RAB5B: variants seen among roughly 807,000 people sequenced by gnomAD.
The protein encoded by RAB5B is RAB5B, member RAS oncogene family.
In RAB5B, 11 loss-of-function variants were observed where a neutral mutation model predicts 28.6. The ratio of observed to expected loss-of-function variants is 0.38; its 90% confidence interval spans 0.24 to 0.64. The LOEUF is 0.64. Ranked by LOEUF, RAB5B falls within the 30% of genes least tolerant of loss-of-function variation. The pLI is 0.53. For synonymous variants in RAB5B, 93 were observed against 97.9 expected (o/e 0.95, Z 0.29); for missense variants, 169 against 265.6 (o/e 0.64, Z 2.53).
chr12:55,985,708 T>C (rs886944411), intron 1 of RAB5B: 2 of 455,960 alleles, frequency 4.4e-6, no homozygotes, highest in African/African-American at 4.0e-5. Flanking sequence ...TGGAGACTTC[T>C]GCATGTCTTT....
chr12:55,987,859 T>TA (rs1889997583), intron 2 of RAB5B, among the ~76,000 whole-genome samples: 1 of 142,726 alleles, frequency 7.0e-6, no homozygotes, highest in South Asian at 2.2e-4. Flanking sequence ...CAAAATCTGG[T>TA]AAAATAGGCT....
intron 2 of RAB5B, among the ~76,000 whole-genome samples, chr12:55,988,152 AAAAAC>A (rs577981481): frequency 1.5e-3 from 231 of 151,938 alleles, no homozygotes; most frequent in Admixed American, 3.7e-3. Context: ...TCCGTCTCAA[AAAAAC>A]AAAACAACAA....
intron 1 of RAB5B, chr12:55,980,298 T>G: frequency 2.7e-6 from 2 of 729,666 alleles, no homozygotes; most frequent in Non-Finnish European, 4.7e-6. Context: ...CTTTTTCTCC[T>G]CATTCTCTTT....
intron 1 of RAB5B, chr12:55,981,036 C>A: frequency 6.2e-7 from 1 of 1,612,918 alleles, no homozygotes; most frequent in Non-Finnish European, 8.5e-7. Context: ...TTGGCCATGG[C>A]GGACACCGGG....
At chr12:55,978,699 T>G (rs1368274050) in intron 1 of RAB5B, among the ~76,000 whole-genome samples, 2 of 151,964 alleles carry the variant, frequency 1.3e-5, no homozygotes, top group African/African-American at 4.8e-5. Context: ...TTAAAGAAGT[T>G]CATAGTTTAG....
rs1889807669 is a variant in RAB5B, at chr12:55,981,500, C to T, written c.-92-5369C>T. 1.3e-5 allele frequency among the ~76,000 whole-genome samples: 2 copies of T among 152,048 alleles called. 1 individual carries two copies. Among genetic ancestry groups the T allele is most frequent in the South Asian group, 4.2e-4 (2 of 4,816 alleles). ...CTGGTACTGGGTTGGACTCCAGTGGCTATATATACCGAGAACTCTGTCTCT... is the reference window on the plus strand; with the variant it reads ...CTGGTACTGGGTTGGACTCCAGTGGTTATATATACCGAGAACTCTGTCTCT... On this transcript the variant is annotated intron_variant, in intron 1 of 5. Coordinates refer to ENST00000360299, the MANE Select transcript of RAB5B (RefSeq NM_002868.4).
chr12:55,986,752 T>C (rs887760651), intron 1 of RAB5B, 117 bp from the exon 2 acceptor site: 16 of 587,424 alleles, frequency 2.7e-5, no homozygotes, highest in Non-Finnish European at 4.6e-5. Flanking sequence ...GCCTGGGACC[T>C]TCTCAGAGCT....
intron 4 of RAB5B, 177 bp from the exon 5 acceptor site, chr12:55,991,183 G>C: frequency 1.7e-6 from 1 of 583,708 alleles, no homozygotes; most frequent in South Asian, 2.1e-5. Flanking sequence ...AGTGGACATG[G>C]GGTCATCTTG....
In RAB5B at chr12:55,992,447, C is replaced by G. The variant is rs573932795; in HGVS notation, c.*235C>G. On this transcript the variant is annotated 3_prime_UTR_variant, in exon 6 of 6. Transcript: ENST00000360299. Reference sequence around the variant, plus strand: ...CTGGGGCTTGGGGGTCAACTCCCCCCAGGACTTACCTTCCAAAACAAACTT... The same window carrying G: ...CTGGGGCTTGGGGGTCAACTCCCCCGAGGACTTACCTTCCAAAACAAACTT... 3.0e-6 allele frequency: 2 copies of G among 673,206 alleles called. No individual in the cohort carries two copies. Among genetic ancestry groups the G allele is most frequent in the South Asian group, 3.0e-5 (2 of 66,404 alleles). 41.7% of individuals were successfully genotyped at this position (673,206 alleles called of 1,614,324 possible).
Position 55,996,523 on chromosome 12 carries a change from G to C in RAB5B, c.*4311G>C, listed in dbSNP as rs547942805. On this transcript the variant is annotated 3_prime_UTR_variant, in exon 6 of 6. Transcript: ENST00000360299. ...GATGGGGTCTTGCTCTGTTGTCCAGGCTGGAGTGCAGTGCCGCGATCTTGG... is the reference window on the plus strand; with the variant it reads ...GATGGGGTCTTGCTCTGTTGTCCAGCCTGGAGTGCAGTGCCGCGATCTTGG... 1 of 152,340 alleles carries C rather than the reference G, an allele frequency of 6.6e-6. No individual in the cohort carries two copies. The highest frequency in any genetic ancestry group is 1.9e-4 in the East Asian group (1 of 5,184). The allele number at this position is 152,340 out of a possible 1,614,324, so 9.4% of individuals were successfully genotyped here.
Position 55,986,928 on chromosome 12 carries a change from C to T in RAB5B, c.-33C>T. The stretch of plus-strand genomic sequence containing the variant: ...CCTCCCCCCTTTACAGTATCCCCCT[C>T]CCTCCACCCTTTCCCATTCTGATAA... On this transcript the variant is annotated 5_prime_UTR_variant, in exon 2 of 6. Transcript: ENST00000360299. The T allele has an allele frequency of 7.3e-7, 1 of 1,378,622 alleles. No individual in the cohort carries two copies. Among genetic ancestry groups the T allele is most frequent in the Non-Finnish European group, 1.0e-6 (1 of 989,304 alleles). The allele number at this position is 1,378,622 out of a possible 1,614,324, so 85.4% of individuals were successfully genotyped here. A position where few individuals can be genotyped will look rare whatever the true frequency, so the allele number is the denominator to read the frequency against.
rs1592807506 is a variant in RAB5B, at chr12:55,990,880, C to T, written c.438+76C>T. On this transcript the variant is annotated intron_variant, in intron 4 of 5. Transcript: ENST00000360299. ...CTCTTTTTTTCCAAACCAGCCCTCT[C>T]TGAAAACGTCAACAGAGGACATTCA... 4.5e-6 allele frequency: 7 copies of T among 1,554,614 alleles called. No homozygotes were observed. In the East Asian group the frequency reaches 1.4e-4, roughly 30 times the overall value.
chr12:55,978,270 C>T (rs1006471589), intron 1 of RAB5B, among the ~76,000 whole-genome samples: 1 of 152,076 alleles, frequency 6.6e-6, no homozygotes, highest in Non-Finnish European at 1.5e-5. Flanking sequence ...GAGGCTGAGG[C>T]GGGTGGATCA....
Position 55,987,199 on chromosome 12 carries a change from T to C in RAB5B, c.163+76T>C, listed in dbSNP as rs911853555. The stretch of plus-strand genomic sequence containing the variant: ...TTTTTTAGATGGAGTCTTGCTCTGT[T>C]ACCCAGGCTGGAGTGCAGTGGCGCA... On this transcript the variant is annotated intron_variant, in intron 2 of 5. Transcript: ENST00000360299. 5.6e-6 allele frequency: 8 copies of C among 1,422,570 alleles called. No homozygotes were observed. The East Asian group carries it at 1.6e-4, about 29-fold the overall frequency. 88.1% of individuals were successfully genotyped at this position (1,422,570 alleles called of 1,614,324 possible). A position where few individuals can be genotyped will look rare whatever the true frequency, so the allele number is the denominator to read the frequency against.
At chr12:55,990,278 C>A (rs35108074) in intron 3 of RAB5B, 180 bp downstream of exon 3, 1 of 624,846 alleles carries the variant, frequency 1.6e-6, no homozygotes, top group Non-Finnish European at 2.6e-6. Flanking sequence ...CGTGGTGGTG[C>A]GCGCCTGTAG....
At position 55,992,960 on chromosome 12, in the gene RAB5B, A is replaced by G. The variant is rs1890180864; in HGVS notation, c.*748A>G. On this transcript the variant is annotated 3_prime_UTR_variant, in exon 6 of 6. Coordinates refer to ENST00000360299, the MANE Select transcript of RAB5B (RefSeq NM_002868.4). ...CTCTTCAAAGGCCCAGTTTCCCCTCACGCAGCCTCTTAGGTAGCGTTTCCC... is the reference window on the plus strand; with the variant it reads ...CTCTTCAAAGGCCCAGTTTCCCCTCGCGCAGCCTCTTAGGTAGCGTTTCCC... 1 of 204,812 alleles carries G rather than the reference A, an allele frequency of 4.9e-6. No individual in the cohort carries two copies. Among genetic ancestry groups the G allele is most frequent in the Non-Finnish European group, 9.7e-6 (1 of 103,136 alleles). 12.7% of individuals were successfully genotyped at this position (204,812 alleles called of 1,614,324 possible). A position where few individuals can be genotyped will look rare whatever the true frequency, so the allele number is the denominator to read the frequency against.
chr12:55,983,905 C>T (rs1671126695), intron 1 of RAB5B, among the ~76,000 whole-genome samples: 1 of 152,114 alleles, frequency 6.6e-6, no homozygotes, highest in South Asian at 2.1e-4. Context: ...AGCAAGGCTT[C>T]CCCTTTTATC....
intron 2 of RAB5B, 97 bp from the exon 3 acceptor site, chr12:55,989,850 G>A: frequency 2.1e-6 from 3 of 1,399,314 alleles, no homozygotes; most frequent in Non-Finnish European, 2.0e-6. Flanking sequence ...GTGGTGACTG[G>A]TCTTAGTGTA....
chr12:55,989,130 C>T (rs984301627), intron 2 of RAB5B, among the ~76,000 whole-genome samples: 1 of 151,112 alleles, frequency 6.6e-6, no homozygotes, highest in South Asian at 2.1e-4. Context: ...TTAGTAGAGG[C>T]GGGGTTTCAC....
Sources: gnomAD v4.1 joint callset for allele counts (sites outside exome capture counted in the v4.1 genomes callset) on GRCh38, gnomAD v4.1.1 for gene constraint, MANE v1.5 for transcripts, NCBI Gene and HGNC (gene_info 2026-07-23, HGNC 2026-07-21) for gene names.